Variants in STK25 observed in about 807,000 individuals in gnomAD.
The protein encoded by STK25 is serine/threonine-protein kinase 25.
Under a neutral mutation model 53.8 loss-of-function variants are expected in STK25, and 29 were observed. The observed-to-expected ratio is 0.54, with a 90% CI of 0.40 to 0.74. The LOEUF (loss-of-function observed/expected upper bound fraction) is 0.74. Ranked by LOEUF, STK25 falls within the 30% of genes least tolerant of loss-of-function variation. The pLI, the probability that STK25 is intolerant of heterozygous loss-of-function variation, is 0.00. For missense variants in STK25, 420 were observed against 568.0 expected (o/e 0.74, Z 2.65); for synonymous variants, 247 against 238.3 (o/e 1.04, Z -0.33).
chr2:241,493,891 C>A lies in STK25; in HGVS notation c.*1771G>T. The stretch of plus-strand genomic sequence containing the variant: ...GGATTATAGGCATGAGCCACCGCAC[C>A]CGGCCCCAGGTTTTTAACCCTTCTT... On this transcript the variant is annotated 3_prime_UTR_variant, in exon 12 of 12. Transcript: ENST00000316586. The A allele has an allele frequency of 1.6e-6, 1 of 629,606 alleles. No individual in the cohort carries two copies. The highest frequency in any genetic ancestry group is 2.6e-6 in the Non-Finnish European group (1 of 382,948). The allele number at this position is 629,606 out of a possible 1,614,324, so 39.0% of individuals were successfully genotyped here. A position where few individuals can be genotyped will look rare whatever the true frequency, so the allele number is the denominator to read the frequency against.
upstream of STK25, chr2:241,508,767 T>G: frequency 1.0e-6 from 1 of 984,702 alleles, no homozygotes; most frequent in Non-Finnish European, 1.2e-6. Flanking sequence ...GGACCCCTAG[T>G]CCTGCTCCCG....
In STK25 at chr2:241,502,779, A is replaced by C. The variant is rs36084998; in HGVS notation, c.31-1071T>G. Among the ~76,000 whole-genome samples, 904 of 152,134 alleles carry C rather than the reference A, an allele frequency of 5.9e-3. 8 individuals carry two copies. The highest frequency in any genetic ancestry group is 0.02 in the African/African-American group (848 of 41,508). On this transcript the variant is annotated intron_variant, in intron 2 of 11. Coordinates refer to ENST00000316586, the MANE Select transcript of STK25 (RefSeq NM_001271977.2). Reference sequence around the variant, plus strand: ...TTTAAAAAAAAAAACCTCATCAAAAACAAAAAACCTCAGTATGTGTTAACC... The same window carrying C: ...TTTAAAAAAAAAAACCTCATCAAAACCAAAAAACCTCAGTATGTGTTAACC...
In STK25 at chr2:241,500,717, C is replaced by A. The variant is rs769451355; in HGVS notation, c.318+23G>T. On this transcript the variant is annotated intron_variant, in intron 4 of 11. Transcript: ENST00000316586. ...GGGACTCGGACACTGCATGACCCCC[C>A]ACTGCCATGGCCTATGCCTCACCAA... The A allele has an allele frequency of 1.9e-6, 3 of 1,612,834 alleles. No individual in the cohort carries two copies. The East Asian group carries it at 6.7e-5, about 36-fold the overall frequency.
In STK25 at chr2:241,508,562, T is replaced by C. The variant is rs2066000512; in HGVS notation, c.-220A>G. On this transcript the variant is annotated 5_prime_UTR_variant, in exon 1 of 12. Transcript: ENST00000316586. ...CTCCCAGCCCGCGAAGCAACGGTGG[T>C]GGCGGCAGCGACCGGAGAAAGCCCG... 27 of 991,932 alleles carry C rather than the reference T, an allele frequency of 2.7e-5. No individual in the cohort carries two copies. In the South Asian group the frequency reaches 5.6e-4, roughly 20 times the overall value. 61.4% of individuals were successfully genotyped at this position (991,932 alleles called of 1,614,324 possible).
Position 241,493,323 on chromosome 2 carries a change from C to T in STK25, c.*2339G>A, listed in dbSNP as rs748102958. ...CTACCCACTGGCCAGCCTCCCGCTG[C>T]TGGGCTACAGCGTGAGCATCCCCAG... On this transcript the variant is annotated 3_prime_UTR_variant, in exon 12 of 12. Coordinates refer to ENST00000316586, the MANE Select transcript of STK25 (RefSeq NM_001271977.2). 6.2e-6 allele frequency: 10 copies of T among 1,613,840 alleles called. No homozygotes were observed. The African/African-American group carries it at 1.3e-4, about 22-fold the overall frequency.
chr2:241,508,897 GCCAGGCGTCGTCTC>G (rs1262109632), upstream of STK25, among the ~76,000 whole-genome samples: 2 of 152,034 alleles, frequency 1.3e-5, no homozygotes, highest in African/African-American at 2.4e-5. Flanking sequence ...GCTGGCGCCT[GCCAGGCGTCGTCTC>G]CGACGTTACG....
chr2:241,508,568 C>A lies in STK25; in HGVS notation c.-226G>T. 3 of 991,778 alleles carry A rather than the reference C, an allele frequency of 3.0e-6. No homozygotes were observed. Among genetic ancestry groups the A allele is most frequent in the Non-Finnish European group, 3.6e-6 (3 of 833,654 alleles). The allele number at this position is 991,778 out of a possible 1,614,324, so 61.4% of individuals were successfully genotyped here. Reference sequence around the variant, plus strand: ...GCCCGCGAAGCAACGGTGGTGGCGGCAGCGACCGGAGAAAGCCCGGAGGCG... The same window carrying A: ...GCCCGCGAAGCAACGGTGGTGGCGGAAGCGACCGGAGAAAGCCCGGAGGCG... On this transcript the variant is annotated 5_prime_UTR_variant, in exon 1 of 12. Coordinates refer to ENST00000316586, the MANE Select transcript of STK25 (RefSeq NM_001271977.2).
chr2:241,502,100 G>A (rs2065548094), intron 2 of STK25: 2 of 209,936 alleles, frequency 9.5e-6, no homozygotes, highest in East Asian at 1.2e-4. Flanking sequence ...GGAGGCGGAG[G>A]TTGCAGTGAG....
chr2:241,497,772 G>A, intron 9 of STK25, 85 bp from the exon 10 acceptor site: 1 of 1,370,220 alleles, frequency 7.3e-7, no homozygotes, highest in East Asian at 2.3e-5. Flanking sequence ...CTCTAGCCTT[G>A]AAGAGACAGA....
intron 10 of STK25, 35 bp downstream of exon 10, chr2:241,497,581 C>T (rs1275213900): frequency 6.2e-6 from 10 of 1,604,776 alleles, no homozygotes; most frequent in East Asian, 2.2e-5. Flanking sequence ...TTGTCCTTGA[C>T]GGGACTCCAG....
At position 241,493,297 on chromosome 2, in the gene STK25, A is replaced by G; in HGVS notation, c.*2365T>C. 1 of 1,613,742 alleles carries G rather than the reference A, an allele frequency of 6.2e-7. No homozygotes were observed. Among genetic ancestry groups the G allele is most frequent in the South Asian group, 1.1e-5 (1 of 91,072 alleles). ...TGTCCCTATGCTGTCTTGCAGGATG[A>G]CTACCCACTGGCCAGCCTCCCGCTG... On this transcript the variant is annotated 3_prime_UTR_variant, in exon 12 of 12. Transcript: ENST00000316586.
At chr2:241,503,478 C>T (rs1403422613) in intron 2 of STK25, among the ~76,000 whole-genome samples, 1 of 150,312 alleles carries the variant, frequency 6.7e-6, no homozygotes, top group Admixed American at 6.6e-5. Flanking sequence ...TTTGGGAGGC[C>T]GAGGCGGGCA....
chr2:241,495,735 C>T (rs370475015), intron 11 of STK25, 34 bp from the exon 12 acceptor site: 5 of 1,613,430 alleles, frequency 3.1e-6, no homozygotes, highest in East Asian at 2.2e-5. Flanking sequence ...TGCGTGCGTG[C>T]ACCTCTGTGC....
At chr2:241,500,616 G>T in intron 4 of STK25, 124 bp downstream of exon 4, 1 of 1,046,270 alleles carries the variant, frequency 9.6e-7, no homozygotes, top group Non-Finnish European at 1.4e-6. Context: ...TGCTTTAGAC[G>T]ATTCCTAATT....
Position 241,493,000 on chromosome 2 carries a change from T to C in STK25, c.*2662A>G. ...GCTGGCAGAAGCTCTGGGTCGTCTT[T>C]ACCAACTTCTGTTTGTTCTTCTACA... On this transcript the variant is annotated 3_prime_UTR_variant, in exon 12 of 12. Transcript: ENST00000316586. The C allele has an allele frequency of 4.3e-6, 7 of 1,610,658 alleles. No individual in the cohort carries two copies. The highest frequency in any genetic ancestry group is 5.9e-6 in the Non-Finnish European group (7 of 1,176,822).
chr2:241,508,798 C>A (rs2066014210), upstream of STK25: 2 of 968,532 alleles, frequency 2.1e-6, no homozygotes, highest in African/African-American at 3.5e-5. Context: ...ACTGCGTCTC[C>A]CGGCAGGCCG....
chr2:241,504,448 T>A (rs1248302699), intron 2 of STK25, among the ~76,000 whole-genome samples: 1 of 151,852 alleles, frequency 6.6e-6, no homozygotes, highest in African/African-American at 2.4e-5. Context: ...CTGCCTGGGG[T>A]CATTCCGGTC....
chr2:241,498,647 G>A lies in STK25; in HGVS notation c.909C>T (p.Asp303=). 1.2e-6 allele frequency: 2 copies of A among 1,613,368 alleles called. No homozygotes were observed. ...EGHGEESSSE[D]SDIDGEAEDG... is the part of the protein sequence containing the mutation. The stretch of plus-strand genomic sequence containing the variant: ...ATAAACCAGGTCCCTACATGTCAGA[G>A]TCCTCAGAGCTGGACTCCTCGCCAT... Residue 303 remains aspartate, a synonymous_variant, in exon 8 of 12, where the codon GAC becomes GAT. Transcript: ENST00000316586.
Position 241,493,571 on chromosome 2 carries a change from G to T in STK25, c.*2091C>A. On this transcript the variant is annotated 3_prime_UTR_variant, in exon 12 of 12. Transcript: ENST00000316586. ...AAGGAAGGGCTGAGCAATGCTTCCA[G>T]CATTTCCAAAAAACAGCAATGCTTT... The T allele has an allele frequency of 1.3e-6, 1 of 799,306 alleles. No homozygotes were observed. Among genetic ancestry groups the T allele is most frequent in the Non-Finnish European group, 2.0e-6 (1 of 498,328 alleles). The allele number at this position is 799,306 out of a possible 1,614,324, so 49.5% of individuals were successfully genotyped here.
Sources: gnomAD v4.1 joint callset for allele counts (sites outside exome capture counted in the v4.1 genomes callset) on GRCh38, gnomAD v4.1.1 for gene constraint, MANE v1.5 for transcripts, NCBI Gene and HGNC (gene_info 2026-07-23, HGNC 2026-07-21) for gene names.